Variants in ADORA2B observed in about 807,000 individuals in gnomAD.
ADORA2B encodes the protein adenosine A2b receptor.
In ADORA2B, 18 loss-of-function variants were observed where a neutral mutation model predicts 20.8. The observed-to-expected ratio is 0.87, with a 90% CI of 0.60 to 1.29. The LOEUF (loss-of-function observed/expected upper bound fraction) is 1.29. Among genes scored for constraint, ADORA2B ranks in the 50% most tolerant of loss-of-function variants. The pLI is 0.00. For synonymous variants in ADORA2B, 179 were observed against 178.3 expected (o/e 1.00, Z -0.03); for missense variants, 441 against 422.7 (o/e 1.04, Z -0.38).
At chr17:15,872,326 T>C in the ADORA2B span, among the ~76,000 whole-genome samples, 4 of 152,210 alleles carry the variant, frequency 2.6e-5, no homozygotes, top group African/African-American at 9.6e-5. Context: ...CTAGTATAAT[T>C]TGAAGTCCAG....
the ADORA2B span, among the ~76,000 whole-genome samples, chr17:15,935,031 T>G: frequency 6.6e-6 from 1 of 152,106 alleles, no homozygotes; most frequent in African/African-American, 2.4e-5. Flanking sequence ...GGTCTCAAAC[T>G]CCTGACCCCA....
At chr17:15,946,314 C>A (rs1023786735) in intron 1 of ADORA2B, among the ~76,000 whole-genome samples, 1 of 152,174 alleles carries the variant, frequency 6.6e-6, no homozygotes, top group African/African-American at 2.4e-5. Context: ...CTGTTGGGAG[C>A]GGGCTGAGAA....
chr17:15,932,571 A>G, the ADORA2B span, among the ~76,000 whole-genome samples: 580 of 151,230 alleles, frequency 3.8e-3, 4 homozygotes, highest in African/African-American at 0.013. Flanking sequence ...AGATTTTTGT[A>G]GTTTTAGCTC....
chr17:15,882,342 C>T, the ADORA2B span, among the ~76,000 whole-genome samples: 30 of 151,858 alleles, frequency 2.0e-4, no homozygotes, highest in East Asian at 4.6e-3. Flanking sequence ...CTCTTCTGAC[C>T]TGCCAAATTC....
intron 1 of ADORA2B, among the ~76,000 whole-genome samples, chr17:15,957,805 A>G (rs941607715): frequency 6.6e-6 from 1 of 151,844 alleles, no homozygotes; most frequent in Non-Finnish European, 1.5e-5. Flanking sequence ...TCTCCGCCCA[A>G]CCTTCTTTGG....
At chr17:15,924,236 A>C in the ADORA2B span, among the ~76,000 whole-genome samples, 1 of 152,188 alleles carries the variant, frequency 6.6e-6, no homozygotes. Flanking sequence ...GGATAAGTCA[A>C]AGCTAGAAAG....
At chr17:15,860,126 C>G in the ADORA2B span, among the ~76,000 whole-genome samples, 1 of 152,170 alleles carries the variant, frequency 6.6e-6, no homozygotes, top group South Asian at 2.1e-4. Context: ...CAGGTACCCC[C>G]TGCTTGCTCA....
chr17:15,872,999 T>C, the ADORA2B span, among the ~76,000 whole-genome samples: 1 of 152,204 alleles, frequency 6.6e-6, no homozygotes, highest in Non-Finnish European at 1.5e-5. Context: ...GGGGAATGTG[T>C]TCAACTTTTC....
At chr17:15,915,750 A>T in the ADORA2B span, among the ~76,000 whole-genome samples, 1 of 143,150 alleles carries the variant, frequency 7.0e-6, no homozygotes, top group Non-Finnish European at 1.6e-5. Flanking sequence ...AGAATTAAAT[A>T]TTCCTCTACC....
the ADORA2B span, among the ~76,000 whole-genome samples, chr17:15,904,327 A>T: frequency 6.6e-6 from 1 of 150,842 alleles, no homozygotes; most frequent in African/African-American, 2.4e-5. Context: ...GTAAAAACTC[A>T]TCACCAAAAC....
At chr17:15,909,278 AAAAC>A in the ADORA2B span, among the ~76,000 whole-genome samples, 5 of 152,158 alleles carry the variant, frequency 3.3e-5, no homozygotes, top group Non-Finnish European at 5.9e-5. Flanking sequence ...AACACACAAA[AAAAC>A]ACACACAGAA....
the ADORA2B span, among the ~76,000 whole-genome samples, chr17:15,939,029 TCTTA>T: frequency 1.2e-4 from 18 of 152,238 alleles, no homozygotes; most frequent in Middle Eastern, 3.4e-3. Context: ...TTCTTTCTAC[TCTTA>T]CTTTATTTAT....
In ADORA2B at chr17:15,945,215, G is replaced by A. The variant is rs1340887398; in HGVS notation, c.-34G>A. 7.2e-7 allele frequency: 1 copy of A among 1,379,966 alleles called. No individual in the cohort carries two copies. The highest frequency in any genetic ancestry group is 3.0e-5 in the East Asian group (1 of 33,524). The allele number at this position is 1,379,966 out of a possible 1,614,324, so 85.5% of individuals were successfully genotyped here. ...GCTGCCCCTCGCCCGGCGCGCCTTC[G>A]GTAGGGGGCGCCCGGGGCCCAGCTG... On this transcript the variant is annotated 5_prime_UTR_variant, in exon 1 of 2. Coordinates refer to ENST00000304222, the MANE Select transcript of ADORA2B (RefSeq NM_000676.4).
chr17:15,893,099 A>G, the ADORA2B span, among the ~76,000 whole-genome samples: 1 of 152,194 alleles, frequency 6.6e-6, no homozygotes, highest in South Asian at 2.1e-4. Flanking sequence ...GTGCAATTCA[A>G]TATCTTCATT....
At chr17:15,923,644 G>T in the ADORA2B span, among the ~76,000 whole-genome samples, 1 of 152,048 alleles carries the variant, frequency 6.6e-6, no homozygotes, top group East Asian at 1.9e-4. Flanking sequence ...CTGACCTCGT[G>T]ATCCACGCGC....
chr17:15,963,874 C>T (rs1337056209), intron 1 of ADORA2B, among the ~76,000 whole-genome samples: 1 of 152,240 alleles, frequency 6.6e-6, no homozygotes, highest in Non-Finnish European at 1.5e-5. Context: ...TCTCTCCCAG[C>T]CACCTTCACA....
At chr17:15,867,990 G>A in the ADORA2B span, among the ~76,000 whole-genome samples, 31 of 149,932 alleles carry the variant, frequency 2.1e-4, no homozygotes, top group South Asian at 3.6e-3. Flanking sequence ...TGTAGAAAGA[G>A]GTAGACATGG....
At chr17:15,964,452 C>CA (rs1214493674) in intron 1 of ADORA2B, among the ~76,000 whole-genome samples, 2 of 150,852 alleles carry the variant, frequency 1.3e-5, no homozygotes, top group African/African-American at 2.4e-5. Flanking sequence ...ACTAAAAATA[C>CA]AAAAAAATTA....
chr17:15,939,739 T>C, the ADORA2B span, among the ~76,000 whole-genome samples: 1 of 151,466 alleles, frequency 6.6e-6, no homozygotes, highest in Non-Finnish European at 1.5e-5. Context: ...CGGGTGCCTG[T>C]AGTCCCAGCT....
Sources: gnomAD v4.1 joint callset for allele counts (sites outside exome capture counted in the v4.1 genomes callset) on GRCh38, gnomAD v4.1.1 for gene constraint, MANE v1.5 for transcripts, NCBI Gene and HGNC (gene_info 2026-07-23, HGNC 2026-07-21) for gene names.